VWC2L: variants seen among roughly 807,000 people sequenced by gnomAD.
VWC2L encodes the protein von Willebrand factor C domain-containing protein 2-like.
VWC2L carries 10 observed loss-of-function variants against 21.6 expected under a neutral mutation model. That is an observed-to-expected ratio of 0.46 (90% confidence interval 0.29 to 0.78). The LOEUF (loss-of-function observed/expected upper bound fraction) is 0.78, where lower values mean the gene tolerates loss of function less well. Among genes scored for constraint, VWC2L ranks in the 30% least tolerant of loss-of-function variants. The pLI, the probability that VWC2L is intolerant of heterozygous loss-of-function variation, is 0.10. For synonymous variants in VWC2L, 96 were observed against 94.3 expected (o/e 1.02, Z -0.10); for missense variants, 209 against 277.1 (o/e 0.75, Z 1.74).
chr2:214,413,073 G>A (rs1702301478), intron 1 of VWC2L, among the ~76,000 whole-genome samples: 1 of 152,004 alleles, frequency 6.6e-6, no homozygotes, highest in Non-Finnish European at 1.5e-5. Flanking sequence ...GTTTACAAGA[G>A]TCAGTGTCAC....
chr2:214,491,939 G>A (rs1214281350), intron 3 of VWC2L, among the ~76,000 whole-genome samples: 1 of 152,056 alleles, frequency 6.6e-6, no homozygotes, highest in East Asian at 1.9e-4. Context: ...CTCAGTTATG[G>A]GATAGCTGAA....
chr2:214,473,891 T>C (rs1282235009), intron 3 of VWC2L: 1 of 152,188 alleles, frequency 6.6e-6, no homozygotes, highest in Non-Finnish European at 1.5e-5. Flanking sequence ...CCAATCTGTG[T>C]CTATGGACAT....
At chr2:214,453,549 A>C (rs985005394) in intron 3 of VWC2L, among the ~76,000 whole-genome samples, 1 of 152,130 alleles carries the variant, frequency 6.6e-6, no homozygotes, top group Non-Finnish European at 1.5e-5. Flanking sequence ...CATTGACTCT[A>C]TACACCCATT....
At chr2:214,463,148 T>C (rs1703165978) in intron 3 of VWC2L, among the ~76,000 whole-genome samples, 2 of 152,206 alleles carry the variant, frequency 1.3e-5, no homozygotes, top group Non-Finnish European at 2.9e-5. Context: ...TGAATAGTAT[T>C]GTTCAAAATT....
At chr2:214,463,732 T>C in intron 3 of VWC2L, among the ~76,000 whole-genome samples, 2 of 152,332 alleles carry the variant, frequency 1.3e-5, no homozygotes, top group Middle Eastern at 6.8e-3. Context: ...CTTTGAAGTT[T>C]ACAGTATACA....
intron 3 of VWC2L, among the ~76,000 whole-genome samples, chr2:214,452,661 G>T (rs1702992879): frequency 6.6e-6 from 1 of 151,874 alleles, no homozygotes; most frequent in Non-Finnish European, 1.5e-5. Flanking sequence ...TTTTTTTAAT[G>T]CCAAAGTGCC....
chr2:214,553,287 C>T (rs1461916315), intron 3 of VWC2L, among the ~76,000 whole-genome samples: 3 of 152,214 alleles, frequency 2.0e-5, no homozygotes, highest in African/African-American at 7.2e-5. Flanking sequence ...ATATGAGTGA[C>T]TGATGGCCTA....
intron 3 of VWC2L, among the ~76,000 whole-genome samples, chr2:214,544,844 C>A (rs1458643078): frequency 2.0e-5 from 3 of 152,062 alleles, no homozygotes; most frequent in Non-Finnish European, 4.4e-5. Flanking sequence ...TCCCATTTTG[C>A]AGATGAAGAA....
intron 3 of VWC2L, among the ~76,000 whole-genome samples, chr2:214,442,902 A>C (rs1248052563): frequency 6.6e-6 from 1 of 152,200 alleles, no homozygotes; most frequent in African/African-American, 2.4e-5. Flanking sequence ...GATTTTACAG[A>C]GGAAATGCAG....
chr2:214,476,423 T>C (rs1460957507), intron 3 of VWC2L, among the ~76,000 whole-genome samples: 4 of 152,304 alleles, frequency 2.6e-5, no homozygotes, highest in African/African-American at 9.6e-5. Flanking sequence ...GAAATATTCA[T>C]TGGGTTACAG....
chr2:214,543,796 T>C (rs1403936519), intron 3 of VWC2L, among the ~76,000 whole-genome samples: 1 of 152,208 alleles, frequency 6.6e-6, no homozygotes, highest in East Asian at 1.9e-4. Flanking sequence ...AAGTGCTAAG[T>C]GGCTCCTACA....
At chr2:214,431,207 G>GCATC (rs773888686) in intron 2 of VWC2L, among the ~76,000 whole-genome samples, 1 of 152,112 alleles carries the variant, frequency 6.6e-6, no homozygotes, top group East Asian at 1.9e-4. Flanking sequence ...TTCCTGACAG[G>GCATC]CATCAGCAAC....
chr2:214,456,996 T>C lies in VWC2L; in HGVS notation c.520+20238T>C, dbSNP rs74926699. Among the ~76,000 whole-genome samples the C allele has an allele frequency of 2.3e-3, 353 of 152,226 alleles. 4 individuals are homozygous for C. The highest frequency in any genetic ancestry group is 0.014 in the East Asian group (71 of 5,186). On this transcript the variant is annotated intron_variant, in intron 3 of 3. Transcript: ENST00000312504. Reference sequence around the variant, plus strand: ...TATAACTTTTTAATTTATTTTGAAGTAGTGTGATGCTTTCAGCTTTGTTCT... The same window carrying C: ...TATAACTTTTTAATTTATTTTGAAGCAGTGTGATGCTTTCAGCTTTGTTCT...
intron 3 of VWC2L, among the ~76,000 whole-genome samples, chr2:214,501,139 T>C (rs1231401691): frequency 1.3e-5 from 2 of 152,204 alleles, no homozygotes; most frequent in Non-Finnish European, 2.9e-5. Flanking sequence ...TTATGCAGAC[T>C]GGCCTACTGG....
intron 3 of VWC2L, among the ~76,000 whole-genome samples, chr2:214,513,665 G>C (rs1166053710): frequency 6.6e-6 from 1 of 151,958 alleles, no homozygotes; most frequent in Non-Finnish European, 1.5e-5. Flanking sequence ...GACCTATTTA[G>C]TGCCAATCAA....
intron 3 of VWC2L, among the ~76,000 whole-genome samples, chr2:214,445,417 ATAT>A (rs1702823524): frequency 6.6e-6 from 1 of 151,876 alleles, no homozygotes; most frequent in Non-Finnish European, 1.5e-5. Flanking sequence ...ATTTTAAGTA[ATAT>A]TATAGAAAAA....
At chr2:214,552,240 T>C (rs1253870104) in intron 3 of VWC2L, among the ~76,000 whole-genome samples, 1 of 152,232 alleles carries the variant, frequency 6.6e-6, no homozygotes, top group Non-Finnish European at 1.5e-5. Flanking sequence ...CACATGGCCC[T>C]GATCTTTAAA....
rs1574551263 is a variant in VWC2L, at chr2:214,413,714, C to T, written c.-80-400C>T. Among the ~76,000 whole-genome samples the T allele has an allele frequency of 2.0e-5, 3 of 152,188 alleles. No individual in the cohort carries two copies. The South Asian group carries it at 6.2e-4, about 32-fold the overall frequency. ...CTTGAGTTGACACAGATAATTATAA[C>T]ATATGTTCCATCACTGACTAGTCCA... On this transcript the variant is annotated intron_variant, in intron 1 of 3. Coordinates refer to ENST00000312504, the MANE Select transcript of VWC2L (RefSeq NM_001080500.4).
At chr2:214,573,851 C>A (rs1045141416) in intron 3 of VWC2L, among the ~76,000 whole-genome samples, 13 of 152,078 alleles carry the variant, frequency 8.5e-5, no homozygotes. Flanking sequence ...ATCATAGAAT[C>A]AGAACAAGGC....
Sources: gnomAD v4.1 joint callset for allele counts (sites outside exome capture counted in the v4.1 genomes callset) on GRCh38, gnomAD v4.1.1 for gene constraint, MANE v1.5 for transcripts, NCBI Gene and HGNC (gene_info 2026-07-23, HGNC 2026-07-21) for gene names.